Variants in NRG3 observed in about 807,000 individuals in gnomAD.
NRG3 encodes pro-neuregulin-3, membrane-bound isoform.
In NRG3, 31 loss-of-function variants were observed where a neutral mutation model predicts 66.9. The ratio of observed to expected loss-of-function variants is 0.46; its 90% confidence interval spans 0.35 to 0.63. NRG3 has a LOEUF of 0.63. Among genes scored for constraint, NRG3 ranks in the 20% least tolerant of loss-of-function variants. The pLI is 0.00. For synonymous variants in NRG3, 393 were observed against 359.4 expected (o/e 1.09, Z -1.06); for missense variants, 910 against 878.9 (o/e 1.04, Z -0.45).
At chr10:82,491,393 T>TC (rs1843136310) in intron 2 of NRG3, among the ~76,000 whole-genome samples, 1 of 140,798 alleles carries the variant, frequency 7.1e-6, no homozygotes, top group Non-Finnish European at 1.6e-5. Flanking sequence ...GTTGGTTTTC[T>TC]CCCCTAGAAT....
intron 1 of NRG3, among the ~76,000 whole-genome samples, chr10:81,977,344 A>G (rs2060161830): frequency 6.6e-6 from 1 of 152,220 alleles, no homozygotes; most frequent in Non-Finnish European, 1.5e-5. Flanking sequence ...TCTGGCATCT[A>G]GATCATGCTT....
chr10:82,510,662 A>G (rs971246543), intron 2 of NRG3, among the ~76,000 whole-genome samples: 1 of 152,216 alleles, frequency 6.6e-6, no homozygotes, highest in African/African-American at 2.4e-5. Flanking sequence ...GTCATGAAAG[A>G]GAGATATAAG....
Position 82,375,502 on chromosome 10 carries a change from A to C in NRG3, c.953+16634A>C, listed in dbSNP as rs1023694435. On this transcript the variant is annotated intron_variant, in intron 2 of 8. Coordinates refer to ENST00000372141, the MANE Select transcript of NRG3 (RefSeq NM_001010848.4). ...CAGTGAGCTGAGATCGTGCCACCGC[A>C]CTCCAGCCTGGGCGACAGAGTGAGA... Among the ~76,000 whole-genome samples, 5 of 150,064 alleles carry C rather than the reference A, an allele frequency of 3.3e-5. No individual in the cohort carries two copies. The East Asian group carries it at 9.9e-4, about 30-fold the overall frequency.
intron 1 of NRG3, among the ~76,000 whole-genome samples, chr10:82,094,486 G>T (rs1047154285): frequency 2.6e-5 from 4 of 152,166 alleles, no homozygotes; most frequent in African/African-American, 9.7e-5. Flanking sequence ...CAGTTCCCCT[G>T]CTGGGTATCT....
chr10:82,883,842 TA>T (rs1178417150), intron 4 of NRG3, among the ~76,000 whole-genome samples: 14 of 152,136 alleles, frequency 9.2e-5, no homozygotes, highest in Non-Finnish European at 7.4e-5. Context: ...TCATATGCAG[TA>T]AATGATCCAA....
At chr10:82,633,276 A>G (rs900000602) in intron 2 of NRG3, among the ~76,000 whole-genome samples, 7 of 152,222 alleles carry the variant, frequency 4.6e-5, no homozygotes, top group African/African-American at 1.7e-4. Context: ...ATAGGAAAAT[A>G]GAATTTCCAA....
At chr10:82,815,608 A>G (rs2061672821) in intron 3 of NRG3, among the ~76,000 whole-genome samples, 1 of 151,882 alleles carries the variant, frequency 6.6e-6, no homozygotes, top group South Asian at 2.1e-4. Context: ...AAATCTCAAT[A>G]TTCTCATTGT....
At chr10:81,878,017 C>G (rs1395788576) in intron 1 of NRG3, 1 of 1,537,530 alleles carries the variant, frequency 6.5e-7, no homozygotes, top group African/African-American at 1.4e-5. Context: ...GGGGACTACA[C>G]ACGGTAGGGG....
chr10:82,390,344 G>A (rs752084382), intron 2 of NRG3, among the ~76,000 whole-genome samples: 7 of 134,246 alleles, frequency 5.2e-5, no homozygotes, highest in Admixed American at 1.5e-4. Context: ...GTTTTTTTGT[G>A]GGGGGGCTGG....
chr10:82,584,452 A>G (rs868417207), intron 2 of NRG3, among the ~76,000 whole-genome samples: 1 of 152,338 alleles, frequency 6.6e-6, no homozygotes, highest in African/African-American at 2.4e-5. Flanking sequence ...AACTTCAGCC[A>G]GAAAAGCTAA....
chr10:81,933,590 A>C (rs1360623688), intron 1 of NRG3, among the ~76,000 whole-genome samples: 1 of 152,180 alleles, frequency 6.6e-6, no homozygotes, highest in African/African-American at 2.4e-5. Flanking sequence ...TTATTTTGAT[A>C]ATTCAAGTTT....
intron 1 of NRG3, among the ~76,000 whole-genome samples, chr10:82,149,931 T>C (rs754847719): frequency 2.0e-5 from 3 of 152,122 alleles, no homozygotes; most frequent in Non-Finnish European, 4.4e-5. Flanking sequence ...GACCTTTAAC[T>C]ACAGTCCTTA....
intron 2 of NRG3, among the ~76,000 whole-genome samples, chr10:82,552,648 C>T (rs2132906950): frequency 1.3e-5 from 2 of 152,246 alleles, no homozygotes; most frequent in Middle Eastern, 6.8e-3. Flanking sequence ...GAAGTCAGGG[C>T]TACCTTCTTG....
intron 2 of NRG3, among the ~76,000 whole-genome samples, chr10:82,367,688 T>C (rs2084630159): frequency 6.6e-6 from 1 of 152,170 alleles, no homozygotes; most frequent in African/African-American, 2.4e-5. Context: ...CCACTGCTAC[T>C]AGCAGACAAA....
chr10:81,951,805 A>C (rs533092248), intron 1 of NRG3, among the ~76,000 whole-genome samples: 10 of 152,242 alleles, frequency 6.6e-5, no homozygotes, highest in African/African-American at 2.4e-4. Flanking sequence ...TCATGCTGCT[A>C]TAAAGACACA....
intron 1 of NRG3, among the ~76,000 whole-genome samples, chr10:81,958,680 A>C (rs914827445): frequency 4.6e-5 from 7 of 152,200 alleles, no homozygotes; most frequent in Non-Finnish European, 8.8e-5. Flanking sequence ...ACCTGAGGTC[A>C]GGAGTTTGAG....
chr10:82,383,528 T>C (rs1344983291), intron 2 of NRG3, among the ~76,000 whole-genome samples: 1 of 152,058 alleles, frequency 6.6e-6, no homozygotes, highest in African/African-American at 2.4e-5. Flanking sequence ...ATAATGAAAG[T>C]ACTTAACACC....
intron 2 of NRG3, among the ~76,000 whole-genome samples, chr10:82,705,124 A>G (rs934056074): frequency 1.3e-5 from 2 of 152,232 alleles, no homozygotes; most frequent in Non-Finnish European, 2.9e-5. Context: ...CTTCATTTAC[A>G]TATGGAAAAA....
intron 3 of NRG3, among the ~76,000 whole-genome samples, chr10:82,752,858 T>C (rs1378779911): frequency 6.6e-6 from 1 of 152,174 alleles, no homozygotes; most frequent in African/African-American, 2.4e-5. Flanking sequence ...TTTAGGATCA[T>C]AATAAATAGA....
Sources: allele counts gnomAD v4.1 joint callset (sites outside exome capture counted in the v4.1 genomes callset), GRCh38; gene constraint gnomAD v4.1.1; transcripts MANE v1.5; gene names NCBI Gene and HGNC (gene_info 2026-07-23, HGNC 2026-07-21).